The following TMEM108 variants were observed in gnomAD, a reference collection of about 807,000 sequenced individuals.
TMEM108 encodes the protein transmembrane protein 108.
A neutral mutation model predicts 35.1 loss-of-function variants in TMEM108; 12 were observed. That is an observed-to-expected ratio of 0.34 (90% CI 0.22 to 0.55). TMEM108 has a LOEUF of 0.55. TMEM108 is among the 20% of genes least tolerant of loss of function. The probability of loss-of-function intolerance (pLI) is 0.89; values close to 1 mark genes in which losing one functional copy is unlikely to be tolerated. For missense variants in TMEM108, 680 were observed against 753.3 expected (o/e 0.90, Z 1.14); for synonymous variants, 287 against 308.6 (o/e 0.93, Z 0.73).
intron 3 of TMEM108, among the ~76,000 whole-genome samples, chr3:133,305,449 G>T (rs916594072): frequency 6.6e-6 from 1 of 151,704 alleles, no homozygotes; most frequent in Non-Finnish European, 1.5e-5. Flanking sequence ...CACCAGCATG[G>T]CACATGTATA....
At chr3:133,110,135 A>AT (rs2107723886) in intron 2 of TMEM108, among the ~76,000 whole-genome samples, 1 of 152,306 alleles carries the variant, frequency 6.6e-6, no homozygotes, top group African/African-American at 2.4e-5. Flanking sequence ...ATGCAATCAG[A>AT]TGAACAAGCA....
At chr3:133,106,046 C>A (rs1450977097) in intron 2 of TMEM108, among the ~76,000 whole-genome samples, 1 of 151,890 alleles carries the variant, frequency 6.6e-6, no homozygotes, top group Non-Finnish European at 1.5e-5. Flanking sequence ...GAATTTATAA[C>A]CTAATAGGGG....
intron 2 of TMEM108, among the ~76,000 whole-genome samples, chr3:133,067,519 T>G (rs115211993): frequency 2.6e-5 from 4 of 152,232 alleles, no homozygotes; most frequent in African/African-American, 7.2e-5. Flanking sequence ...GAATTATGAA[T>G]GTTCATCTGC....
intron 2 of TMEM108, among the ~76,000 whole-genome samples, chr3:133,222,880 G>A (rs1282197181): frequency 1.3e-5 from 2 of 151,814 alleles, no homozygotes; most frequent in Admixed American, 6.6e-5. Flanking sequence ...CCAGGCTGGA[G>A]CATGATTATG....
chr3:133,086,396 T>G (rs1943882144), intron 2 of TMEM108, among the ~76,000 whole-genome samples: 1 of 152,202 alleles, frequency 6.6e-6, no homozygotes, highest in Admixed American at 6.5e-5. Flanking sequence ...AATAAGGGAC[T>G]TGAGGCATAG....
chr3:133,096,184 G>A (rs1944012677), intron 2 of TMEM108, among the ~76,000 whole-genome samples: 1 of 152,084 alleles, frequency 6.6e-6, no homozygotes, highest in South Asian at 2.1e-4. Flanking sequence ...TTACAGACAG[G>A]GTCTCACTCT....
intron 2 of TMEM108, chr3:133,124,824 G>C (rs553031977): frequency 2.0e-5 from 3 of 152,350 alleles, no homozygotes; most frequent in African/African-American, 7.2e-5. Flanking sequence ...ACCACAGAGT[G>C]GGGAGAGCAA....
chr3:133,257,492 A>T (rs1946564225), intron 3 of TMEM108, among the ~76,000 whole-genome samples: 1 of 151,920 alleles, frequency 6.6e-6, no homozygotes, highest in African/African-American at 2.4e-5. Context: ...GTTGAACCTG[A>T]CTTCATTTCA....
Position 133,293,420 on chromosome 3 carries a change from A to G in TMEM108, c.40+64069A>G, listed in dbSNP as rs142787596. On this transcript the variant is annotated intron_variant, in intron 3 of 5. Coordinates refer to ENST00000321871, the MANE Select transcript of TMEM108 (RefSeq NM_023943.4). Reference sequence around the variant, plus strand: ...GTTGGCTTACTATGTGCCAGGTTCTATGTTAGGCTTGGGAATTAAATTGTT... The same window carrying G: ...GTTGGCTTACTATGTGCCAGGTTCTGTGTTAGGCTTGGGAATTAAATTGTT... Among the ~76,000 whole-genome samples the G allele has an allele frequency of 9.7e-4, 146 of 150,782 alleles. 1 individual carries two copies. The highest frequency in any genetic ancestry group is 3.3e-3 in the African/African-American group (136 of 41,242).
At chr3:133,045,229 A>G (rs1943321863) in intron 1 of TMEM108, among the ~76,000 whole-genome samples, 1 of 151,972 alleles carries the variant, frequency 6.6e-6, no homozygotes, top group Admixed American at 6.6e-5. Flanking sequence ...CAACCTCCCA[A>G]AGTGCTGGGA....
At chr3:133,221,498 G>T (rs1429174665) in intron 2 of TMEM108, among the ~76,000 whole-genome samples, 7 of 152,100 alleles carry the variant, frequency 4.6e-5, no homozygotes, top group Admixed American at 4.6e-4. Flanking sequence ...CTAGGAGAAG[G>T]GTCTAATACA....
intron 3 of TMEM108, among the ~76,000 whole-genome samples, chr3:133,310,259 T>G (rs575836423): frequency 1.6e-4 from 24 of 152,310 alleles, no homozygotes; most frequent in African/African-American, 5.1e-4. Flanking sequence ...GATATCCTTG[T>G]TAACCTTCTG....
chr3:133,221,995 T>C (rs566777560), intron 2 of TMEM108, among the ~76,000 whole-genome samples: 1 of 152,330 alleles, frequency 6.6e-6, no homozygotes, highest in East Asian at 1.9e-4. Flanking sequence ...AATTTGACTA[T>C]GCACTTATTT....
intron 3 of TMEM108, among the ~76,000 whole-genome samples, chr3:133,269,599 G>T (rs770290886): frequency 6.6e-6 from 1 of 152,200 alleles, no homozygotes; most frequent in African/African-American, 2.4e-5. Context: ...TGGCCCTTCT[G>T]TCTGACTCCC....
chr3:133,043,100 A>G (rs1943293838), intron 1 of TMEM108, among the ~76,000 whole-genome samples: 1 of 152,232 alleles, frequency 6.6e-6, no homozygotes, highest in South Asian at 2.1e-4. Flanking sequence ...CCTGTAAGAA[A>G]AAACTTTCAT....
intron 3 of TMEM108, among the ~76,000 whole-genome samples, chr3:133,368,631 TCACA>T (rs147366132): frequency 2.0e-5 from 3 of 150,700 alleles, no homozygotes; most frequent in African/African-American, 7.3e-5. Flanking sequence ...ATACATGCAC[TCACA>T]CACACACACA....
chr3:133,379,840 A>G lies in TMEM108; in HGVS notation c.129A>G (p.Ser43=), dbSNP rs1213909169. 3 of 1,613,748 alleles carry G rather than the reference A, an allele frequency of 1.9e-6. No homozygotes were observed. The highest frequency in any genetic ancestry group is 2.5e-6 in the Non-Finnish European group (3 of 1,179,912). ...SPRESLQVLP[S]GTPPGTMVTA... is the part of the protein sequence containing the mutation. ...GGGAATCTCTTCAGGTCCTCCCTTC[A>G]GGCACTCCCCCGGGAACCATGGTGA... Residue 43 remains serine (S), a synonymous_variant, in exon 4 of 6, where the codon TCA becomes TCG. Transcript: ENST00000321871.
chr3:133,204,777 G>C (rs1199847895), intron 2 of TMEM108, among the ~76,000 whole-genome samples: 1 of 152,186 alleles, frequency 6.6e-6, no homozygotes, highest in Non-Finnish European at 1.5e-5. Context: ...TGTATATTCT[G>C]TTGATTTGGG....
chr3:133,190,013 G>A (rs1945476290), intron 2 of TMEM108, among the ~76,000 whole-genome samples: 2 of 152,064 alleles, frequency 1.3e-5, no homozygotes, highest in South Asian at 4.1e-4. Context: ...CGTACCCCAA[G>A]AGGGATGTAG....
Sources: allele counts gnomAD v4.1 joint callset (sites outside exome capture counted in the v4.1 genomes callset), GRCh38; gene constraint gnomAD v4.1.1; transcripts MANE v1.5; gene names NCBI Gene and HGNC (gene_info 2026-07-23, HGNC 2026-07-21).